Variants in ASAP1 observed in about 807,000 individuals in gnomAD.
ASAP1 encodes the protein ArfGAP with SH3 domain, ankyrin repeat and PH domain 1.
In ASAP1, 43 loss-of-function variants were observed where a neutral mutation model predicts 145.2. That is an observed-to-expected ratio of 0.30 (90% CI 0.23 to 0.38). ASAP1 has a LOEUF of 0.38. ASAP1 is among the 10% of genes least tolerant of loss of function. The pLI is 1.00. For synonymous variants in ASAP1, 546 were observed against 515.5 expected, an observed-to-expected ratio of 1.06 and a Z score of -0.80; for missense variants, 1,018 against 1,355.3, an observed-to-expected ratio of 0.75 and a Z score of 3.91.
intron 15 of ASAP1, among the ~76,000 whole-genome samples, chr8:130,132,987 A>G (rs2135784336): frequency 6.6e-6 from 1 of 152,246 alleles, no homozygotes; most frequent in Non-Finnish European, 1.5e-5. Context: ...CGAGTGGGAG[A>G]GAGAAAAGAA....
intron 1 of ASAP1, among the ~76,000 whole-genome samples, chr8:130,432,922 A>C (rs1242577116): frequency 6.6e-6 from 1 of 152,224 alleles, no homozygotes; most frequent in Non-Finnish European, 1.5e-5. Flanking sequence ...ATGTCCTGCC[A>C]GCAAAAGAGA....
At chr8:130,391,038 C>T (rs1412655280) in intron 2 of ASAP1, among the ~76,000 whole-genome samples, 1 of 151,170 alleles carries the variant, frequency 6.6e-6, no homozygotes, top group African/African-American at 2.4e-5. Context: ...AACACGTATT[C>T]ATCCACGGAT....
At chr8:130,149,312 T>C (rs1275710175) in intron 13 of ASAP1, among the ~76,000 whole-genome samples, 2 of 150,822 alleles carry the variant, frequency 1.3e-5, no homozygotes, top group East Asian at 3.9e-4. Flanking sequence ...TCACACTGAA[T>C]TTGGTTCCCA....
rs1424924525 is a variant in ASAP1 at position 130,079,955 on chromosome 8, T to C, written c.2589A>G (p.Pro863=). The C allele has an allele frequency of 1.9e-6, 3 of 1,614,046 alleles. No individual in the cohort carries two copies. Among genetic ancestry groups the C allele is most frequent in the Non-Finnish European group, 2.5e-6 (3 of 1,179,992 alleles). Residue 863 remains proline, a synonymous_variant, in exon 26 of 30, where the codon CCA becomes CCG. Coordinates refer to ENST00000518721, the MANE Select transcript of ASAP1 (RefSeq NM_018482.4). Reference sequence around the variant, plus strand: ...TGTTTGTAGTCTTACTTGAAGAGGATGGACCCCCATCGTTACCTACAAGGA... The same window carrying C: ...TGTTTGTAGTCTTACTTGAAGAGGACGGACCCCCATCGTTACCTACAAGGA... ...GAVPWGNDGG[P]SSSSKTTNKF...
chr8:130,416,599 G>C (rs1323312348), intron 1 of ASAP1, among the ~76,000 whole-genome samples: 14 of 152,196 alleles, frequency 9.2e-5, no homozygotes, highest in Admixed American at 9.2e-4. Context: ...ATTTCTCTTA[G>C]AAATCAATCA....
chr8:130,424,769 G>A (rs536030506), intron 1 of ASAP1, among the ~76,000 whole-genome samples: 1 of 152,106 alleles, frequency 6.6e-6, no homozygotes, highest in Admixed American at 6.5e-5. Flanking sequence ...CAAGGTGGGC[G>A]GATCACGAGG....
intron 2 of ASAP1, among the ~76,000 whole-genome samples, chr8:130,381,308 A>G (rs1484811325): frequency 6.6e-6 from 1 of 152,222 alleles, no homozygotes. Flanking sequence ...GATTACAGCT[A>G]TGAGCCACCT....
Position 130,124,079 on chromosome 8 carries a change from C to T in ASAP1, c.1541G>A (p.Ser514Asn), listed in dbSNP as rs1486903720. Residue 514 changes from serine to asparagine, a missense_variant, in exon 18 of 30, where the codon AGT (serine) becomes AAT (asparagine). Physicochemically the swap from Ser to Asn is conservative, Grantham distance 46. Transcript: ENST00000518721. ...ATTTGCTTCCATAATATCATTAAAA[C>T]TATTGTTTCCTACATTCTTGGCCAG... ...LLLAKNVGNN[S>N]FNDIMEANLP... 11 of 1,606,560 alleles carry T rather than the reference C, an allele frequency of 6.8e-6. No individual in the cohort carries two copies. The East Asian group carries it at 2.2e-4, about 33-fold the overall frequency.
intron 12 of ASAP1, among the ~76,000 whole-genome samples, chr8:130,155,730 C>A (rs569111330): frequency 6.6e-6 from 1 of 152,340 alleles, no homozygotes; most frequent in African/African-American, 2.4e-5. Context: ...ATCTCCCCCA[C>A]TCTCTGTACT....
chr8:130,307,274 T>C (rs925912080), intron 3 of ASAP1, among the ~76,000 whole-genome samples: 1 of 151,064 alleles, frequency 6.6e-6, no homozygotes, highest in Non-Finnish European at 1.5e-5. Flanking sequence ...CCATTTGATA[T>C]TTCTTGAATA....
At chr8:130,127,902 C>G in intron 16 of ASAP1, 25 bp downstream of exon 16, 1 of 1,608,780 alleles carries the variant, frequency 6.2e-7, no homozygotes, top group Non-Finnish European at 8.5e-7. Context: ...GTTGTAAAAG[C>G]TCGTTCAAAT....
chr8:130,127,684 T>G (rs532655599), intron 16 of ASAP1, among the ~76,000 whole-genome samples: 1 of 152,158 alleles, frequency 6.6e-6, no homozygotes, highest in East Asian at 1.9e-4. Flanking sequence ...TACCTGGACC[T>G]TATAGGAAAG....
Position 130,267,057 on chromosome 8 carries a change from T to G in ASAP1, c.187-30063A>C, listed in dbSNP as rs900349676. ...CACCCCCTCAAAAAAAAAGTAGTCATTAAGAGGACAAAGAAGTAGTACAGC... is the reference window on the plus strand; with the variant it reads ...CACCCCCTCAAAAAAAAAGTAGTCAGTAAGAGGACAAAGAAGTAGTACAGC... On this transcript the variant is annotated intron_variant, in intron 3 of 29. Transcript: ENST00000518721. Among the ~76,000 whole-genome samples, 6 of 148,832 alleles carry G rather than the reference T, an allele frequency of 4.0e-5. No homozygotes were observed. In the East Asian group the frequency reaches 1.2e-3, roughly 30 times the overall value.
At chr8:130,368,008 G>A (rs1827040647) in intron 2 of ASAP1, among the ~76,000 whole-genome samples, 1 of 151,894 alleles carries the variant, frequency 6.6e-6, no homozygotes, top group Admixed American at 6.6e-5. Context: ...TTTAGTTAAC[G>A]TCCTTTTTCA....
At chr8:130,096,996 T>C (rs867649540) in intron 24 of ASAP1, among the ~76,000 whole-genome samples, 52 of 151,554 alleles carry the variant, frequency 3.4e-4, no homozygotes, top group Non-Finnish European at 4.4e-5. Context: ...CATGGTGGCA[T>C]GCACCTGTAA....
At chr8:130,412,009 T>G (rs1462308104) in intron 1 of ASAP1, among the ~76,000 whole-genome samples, 1 of 152,138 alleles carries the variant, frequency 6.6e-6, no homozygotes, top group Admixed American at 6.5e-5. Context: ...CATTACCCAG[T>G]GCTCACCAGG....
chr8:130,247,770 A>C (rs1402918893), intron 3 of ASAP1, among the ~76,000 whole-genome samples: 2 of 152,164 alleles, frequency 1.3e-5, no homozygotes, highest in African/African-American at 4.8e-5. Context: ...CAGCATAGTG[A>C]GTGTCAGTTA....
At chr8:130,199,428 G>A (rs186140619) in intron 5 of ASAP1, among the ~76,000 whole-genome samples, 260 of 152,316 alleles carry the variant, frequency 1.7e-3, no homozygotes, top group Non-Finnish European at 3.2e-3. Flanking sequence ...AATGGGGGAA[G>A]GGGCTAGATT....
chr8:130,222,644 T>TAAGAC (rs1356295074), intron 4 of ASAP1, among the ~76,000 whole-genome samples: 1 of 152,166 alleles, frequency 6.6e-6, no homozygotes, highest in Admixed American at 6.5e-5. Context: ...AAAAGGTGAA[T>TAAGAC]AAGACAAGAC....
Sources: gnomAD v4.1 joint callset for allele counts (sites outside exome capture counted in the v4.1 genomes callset) on GRCh38, gnomAD v4.1.1 for gene constraint, MANE v1.5 for transcripts, NCBI Gene and HGNC (gene_info 2026-07-23, HGNC 2026-07-21) for gene names.